Variants in KMT5B observed in about 807,000 individuals in gnomAD.
The protein encoded by KMT5B is lysine methyltransferase 5B, also known as histone-lysine N-methyltransferase KMT5B.
Under a neutral mutation model 83.2 loss-of-function variants are expected in KMT5B, and 10 were observed. That is an observed-to-expected ratio of 0.12 (90% confidence interval 0.07 to 0.20). The LOEUF (loss-of-function observed/expected upper bound fraction) is 0.20. KMT5B is among the 10% of genes least tolerant of loss of function. KMT5B has a pLI of 1.00. For synonymous variants in KMT5B, 349 were observed against 388.8 expected (o/e 0.90, Z 1.20); for missense variants, 753 against 1,067.2 (o/e 0.71, Z 4.10).
chr11:68,210,361 T>A (rs1050225535), intron 1 of KMT5B, among the ~76,000 whole-genome samples: 1 of 152,070 alleles, frequency 6.6e-6, no homozygotes, highest in African/African-American at 2.4e-5. Flanking sequence ...GCAGATGAAC[T>A]AAGGTGATTA....
rs1330067589 is a variant in KMT5B at position 68,157,565 on chromosome 11, T to C, written c.*123A>G. The C allele has an allele frequency of 6.5e-6, 9 of 1,377,570 alleles. No homozygotes were observed. The highest frequency in any genetic ancestry group is 8.6e-6 in the Non-Finnish European group (9 of 1,050,818). 85.3% of individuals were successfully genotyped at this position (1,377,570 alleles called of 1,614,324 possible). ...TCAGTATGCTGTACACTTTCTACAA[T>C]AGTATGCTGATAAGTGAAGGGACAA... On this transcript the variant is annotated 3_prime_UTR_variant, in exon 11 of 11. Coordinates refer to ENST00000304363, the MANE Select transcript of KMT5B (RefSeq NM_017635.5).
In KMT5B at chr11:68,187,753, C is replaced by T. The variant is rs944088918; in HGVS notation, c.161-1825G>A. 7.2e-5 allele frequency among the ~76,000 whole-genome samples: 11 copies of T among 152,170 alleles called. No homozygotes were observed. In the East Asian group the frequency reaches 2.1e-3, roughly 29 times the overall value. On this transcript the variant is annotated intron_variant, in intron 2 of 10. Coordinates refer to ENST00000304363, the MANE Select transcript of KMT5B (RefSeq NM_017635.5). ...GCGTATCAAAGTCTCCAAATTATTGCTGAATTGTTGATTTTTCCCTTCAAT... is the reference window on the plus strand; with the variant it reads ...GCGTATCAAAGTCTCCAAATTATTGTTGAATTGTTGATTTTTCCCTTCAAT...
rs1391218648 is a variant in KMT5B, at chr11:68,190,143, A to G, written c.-67T>C. 6.9e-7 allele frequency: 1 copy of G among 1,438,992 alleles called. No individual in the cohort carries two copies. Among genetic ancestry groups the G allele is most frequent in the East Asian group, 2.3e-5 (1 of 43,698 alleles). 89.1% of individuals were successfully genotyped at this position (1,438,992 alleles called of 1,614,324 possible). A position where few individuals can be genotyped will look rare whatever the true frequency, so the allele number is the denominator to read the frequency against. On this transcript the variant is annotated 5_prime_UTR_variant, in exon 2 of 11. Transcript: ENST00000304363. ...TCAAATAGCTTAGAGAATACTTTCA[A>G]TGTTCTCTCCTAACAGAAACAAAAT...
intron 1 of KMT5B, among the ~76,000 whole-genome samples, chr11:68,207,327 TCAAA>T (rs1384581262): frequency 6.6e-6 from 1 of 152,000 alleles, no homozygotes; most frequent in Non-Finnish European, 1.5e-5. Flanking sequence ...GTGTACCTGG[TCAAA>T]CAGATTATTT....
At position 68,166,922 on chromosome 11, in the gene KMT5B, TA is replaced by T. The variant is rs1346408032; in HGVS notation, c.1174+59del. On this transcript the variant is annotated intron_variant, in intron 10 of 10. Coordinates refer to ENST00000304363, the MANE Select transcript of KMT5B (RefSeq NM_017635.5). Reference sequence around the variant, plus strand: ...TTTAAAACTACTGAAGCACACTTTATAAAGCAAATTGTGTGAAAATACTTTT... The same window carrying T: ...TTTAAAACTACTGAAGCACACTTTATAAGCAAATTGTGTGAAAATACTTTT... 3.1e-6 allele frequency: 5 copies of T among 1,598,398 alleles called. No individual in the cohort carries two copies. In the African/African-American group the frequency reaches 4.0e-5, roughly 13 times the overall value.
chr11:68,179,821 CCTT>C (rs1391074062), intron 4 of KMT5B: 3 of 388,118 alleles, frequency 7.7e-6, no homozygotes, highest in Non-Finnish European at 1.3e-5. Flanking sequence ...GCTCTTCAGT[CCTT>C]CTTGACCTGA....
intron 2 of KMT5B, 107 bp downstream of exon 2, chr11:68,189,810 G>T: frequency 8.6e-7 from 1 of 1,163,304 alleles, no homozygotes; most frequent in Non-Finnish European, 1.2e-6. Context: ...TTATGAAAAT[G>T]CAAAAAATTA....
chr11:68,213,260 ATAAT>A lies in KMT5B; in HGVS notation c.-203_-200del, dbSNP rs926314069. 2.7e-5 allele frequency: 4 copies of A among 146,444 alleles called. No individual in the cohort carries two copies. Among genetic ancestry groups the A allele is most frequent in the African/African-American group, 7.4e-5 (3 of 40,648 alleles). 9.1% of individuals were successfully genotyped at this position (146,444 alleles called of 1,614,324 possible). On this transcript the variant is annotated 5_prime_UTR_variant, in exon 1 of 11. Transcript: ENST00000304363. ...CCCCCCAGAAAATTAATCACCAAAA[ATAAT>A]TCCAGAGAAAAATGGAGAGTAAAAT... is the stretch of plus-strand genomic sequence containing the variant.
At chr11:68,173,452 AT>A (rs1304722459) in intron 6 of KMT5B, among the ~76,000 whole-genome samples, 1 of 152,238 alleles carries the variant, frequency 6.6e-6, no homozygotes, top group Admixed American at 6.5e-5. Context: ...AACTAGGATC[AT>A]TAAAACTTTA....
intron 1 of KMT5B, among the ~76,000 whole-genome samples, chr11:68,204,934 G>A (rs1052448871): frequency 6.6e-6 from 1 of 151,986 alleles, no homozygotes; most frequent in East Asian, 1.9e-4. Context: ...GTTGTTTTAA[G>A]CCGCTAAGTT....
At chr11:68,173,276 A>T (rs144285554) in intron 6 of KMT5B, among the ~76,000 whole-genome samples, 1,934 of 152,174 alleles carry the variant, frequency 0.013, 40 homozygotes, top group African/African-American at 0.041. Flanking sequence ...CCTGACCTCA[A>T]GTGATCTGCC....
Position 68,155,270 on chromosome 11 carries a change from G to C in KMT5B, c.*2418C>G, listed in dbSNP as rs1859209931. 1 of 152,088 alleles carries C rather than the reference G, an allele frequency of 6.6e-6. No homozygotes were observed. 9.4% of individuals were successfully genotyped at this position (152,088 alleles called of 1,614,324 possible). Reference sequence around the variant, plus strand: ...ACAGCAGATCCGGAACAGTTCCGAGGCCCCTACCTTTACCAACGGAAATTA... The same window carrying C: ...ACAGCAGATCCGGAACAGTTCCGAGCCCCCTACCTTTACCAACGGAAATTA... On this transcript the variant is annotated 3_prime_UTR_variant, in exon 11 of 11. Coordinates refer to ENST00000304363, the MANE Select transcript of KMT5B (RefSeq NM_017635.5).
chr11:68,198,487 C>T (rs1184494725), intron 1 of KMT5B, among the ~76,000 whole-genome samples: 1 of 141,826 alleles, frequency 7.1e-6, no homozygotes, highest in African/African-American at 2.8e-5. Context: ...CAAGACAAGA[C>T]AAGACAAGAC....
At chr11:68,170,989 G>A in intron 9 of KMT5B, 26 bp downstream of exon 9, 2 of 1,562,852 alleles carry the variant, frequency 1.3e-6, no homozygotes, top group East Asian at 2.3e-5. Context: ...AAATGTTTAG[G>A]CTGAACATTT....
At chr11:68,170,018 G>A (rs888603618) in intron 9 of KMT5B, among the ~76,000 whole-genome samples, 1 of 152,168 alleles carries the variant, frequency 6.6e-6, no homozygotes, top group Non-Finnish European at 1.5e-5. Context: ...TGATGACTCC[G>A]TCCTCTCTCA....
chr11:68,169,758 A>G (rs1476391987), intron 9 of KMT5B, among the ~76,000 whole-genome samples: 1 of 152,242 alleles, frequency 6.6e-6, no homozygotes, highest in African/African-American at 2.4e-5. Context: ...CTTAACTGTT[A>G]TACTGTTTCC....
chr11:68,179,764 G>T, intron 4 of KMT5B: 1 of 588,046 alleles, frequency 1.7e-6, no homozygotes, highest in Non-Finnish European at 2.4e-6. Flanking sequence ...AGAAAGTTTA[G>T]CTGCAAATCC....
At chr11:68,178,158 G>C (rs1291627724) in intron 4 of KMT5B, among the ~76,000 whole-genome samples, 2 of 152,194 alleles carry the variant, frequency 1.3e-5, no homozygotes, top group Non-Finnish European at 2.9e-5. Flanking sequence ...GACAGAAAGG[G>C]CCAAGCTATC....
At chr11:68,207,014 G>A (rs994775481) in intron 1 of KMT5B, among the ~76,000 whole-genome samples, 5 of 151,880 alleles carry the variant, frequency 3.3e-5, no homozygotes, top group Non-Finnish European at 7.4e-5. Context: ...AGGCTGAGGC[G>A]GGCGGATCAC....
Sources: gnomAD v4.1 joint callset for allele counts (sites outside exome capture counted in the v4.1 genomes callset) on GRCh38, gnomAD v4.1.1 for gene constraint, MANE v1.5 for transcripts, NCBI Gene and HGNC (gene_info 2026-07-23, HGNC 2026-07-21) for gene names.